TNFRSF10C: variants seen among roughly 807,000 people sequenced by gnomAD.
TNFRSF10C encodes the protein TNF receptor superfamily member 10c.
TNFRSF10C carries 17 observed loss-of-function variants against 16.7 expected under a neutral mutation model. That is an observed-to-expected ratio of 1.02 (90% CI 0.70 to 1.53). The LOEUF is 1.53. TNFRSF10C is among the 40% of genes most tolerant of loss of function. The probability of loss-of-function intolerance (pLI) is 0.00; values close to 1 mark genes in which losing one functional copy is unlikely to be tolerated. For synonymous variants in TNFRSF10C, 73 were observed against 119.7 expected (o/e 0.61, Z 2.55); for missense variants, 237 against 329.7 (o/e 0.72, Z 2.18).
rs1563346549 is a variant in TNFRSF10C, at chr8:23,117,130, T to C, written c.*99T>C. On this transcript the variant is annotated 3_prime_UTR_variant, in exon 5 of 5. Transcript: ENST00000356864. ...CTGGACACTCTCTGCCCTGCCTCCC[T>C]CTGCTGTGTTCCCACAGACAGAAAC... The C allele has an allele frequency of 3.3e-6, 5 of 1,514,348 alleles. No individual in the cohort carries two copies. The highest frequency in any genetic ancestry group is 8.8e-7 in the Non-Finnish European group (1 of 1,130,962). The allele number at this position is 1,514,348 out of a possible 1,614,324, so 93.8% of individuals were successfully genotyped here. A position where few individuals can be genotyped will look rare whatever the true frequency, so the allele number is the denominator to read the frequency against.
rs2128832216 is a variant in TNFRSF10C at position 23,117,219 on chromosome 8, C to T, written c.*188C>T. The T allele has an allele frequency of 1.1e-6, 1 of 884,088 alleles. No individual in the cohort carries two copies. The highest frequency in any genetic ancestry group is 1.7e-6 in the Non-Finnish European group (1 of 591,864). 54.8% of individuals were successfully genotyped at this position (884,088 alleles called of 1,614,324 possible). ...CTCTATCTTCCTCCTTGTGATCGTC[C>T]CATCCCCACATCCCGTGCACCCCCC... On this transcript the variant is annotated 3_prime_UTR_variant, in exon 5 of 5. Coordinates refer to ENST00000356864, the MANE Select transcript of TNFRSF10C (RefSeq NM_003841.5).
rs73671012 is a variant in TNFRSF10C, at chr8:23,111,993, C to A, written c.166+168C>A. Reference sequence around the variant, plus strand: ...ATTCGTGGTAAGAACACTTAAAAATCTGCTCAGCAATTTTCAGCTGTATGG... The same window carrying A: ...ATTCGTGGTAAGAACACTTAAAAATATGCTCAGCAATTTTCAGCTGTATGG... On this transcript the variant is annotated intron_variant, in intron 2 of 4. Transcript: ENST00000356864. 4.0e-3 allele frequency among the ~76,000 whole-genome samples: 612 copies of A among 152,278 alleles called. 4 individuals carry two copies. Among genetic ancestry groups the A allele is most frequent in the African/African-American group, 0.014 (583 of 41,540 alleles).
intron 1 of TNFRSF10C, among the ~76,000 whole-genome samples, chr8:23,105,571 G>T (rs965893634): frequency 6.6e-6 from 1 of 152,242 alleles, no homozygotes; most frequent in Non-Finnish European, 1.5e-5. Flanking sequence ...TGTCCTTCTG[G>T]TAGGCGCCTG....
intron 4 of TNFRSF10C, among the ~76,000 whole-genome samples, 189 bp downstream of exon 4, chr8:23,115,805 G>A (rs1307801953): frequency 1.1e-4 from 16 of 149,922 alleles, no homozygotes; most frequent in Admixed American, 1.1e-3. Flanking sequence ...CCTACCCCCT[G>A]CAGCAGCCCC....
intron 1 of TNFRSF10C, among the ~76,000 whole-genome samples, chr8:23,110,595 T>C (rs907164409): frequency 1.3e-5 from 2 of 152,232 alleles, no homozygotes; most frequent in Admixed American, 1.3e-4. Context: ...AGTTGTCTTC[T>C]AGTTGTCATT....
At chr8:23,107,520 T>TA (rs1342053501) in intron 1 of TNFRSF10C, among the ~76,000 whole-genome samples, 2 of 152,204 alleles carry the variant, frequency 1.3e-5, no homozygotes, top group East Asian at 3.8e-4. Context: ...AATCCATTTT[T>TA]AAAAAACCTT....
chr8:23,111,935 C>A, intron 2 of TNFRSF10C, 110 bp downstream of exon 2: 1 of 1,074,778 alleles, frequency 9.3e-7, no homozygotes, highest in Non-Finnish European at 1.4e-6. Flanking sequence ...TGTGGAATGG[C>A]TAAATCAAGC....
chr8:23,114,544 G>C (rs991149821), intron 2 of TNFRSF10C, 113 bp from the exon 3 acceptor site: 16 of 793,070 alleles, frequency 2.0e-5, no homozygotes, highest in Non-Finnish European at 3.2e-5. Context: ...GCCTGGAAGA[G>C]TGGATTTCTC....
rs374621465 is a variant in TNFRSF10C at position 23,110,010 on chromosome 8, C to T, written c.61-1710C>T. On this transcript the variant is annotated intron_variant, in intron 1 of 4. Coordinates refer to ENST00000356864, the MANE Select transcript of TNFRSF10C (RefSeq NM_003841.5). ...AGAGGAGGCAAAGGTTGTAGTGAAC[C>T]GAGATTACACCACTGCACTCTGCGC... 8.0e-5 allele frequency among the ~76,000 whole-genome samples: 10 copies of T among 124,788 alleles called. No individual in the cohort carries two copies. In the East Asian group the frequency reaches 1.3e-3, roughly 16 times the overall value. 81.9% of individuals were successfully genotyped at this position (124,788 alleles called of 152,430 possible). A position where few individuals can be genotyped will look rare whatever the true frequency, so the allele number is the denominator to read the frequency against.
At chr8:23,114,455 A>G (rs1485942810) in intron 2 of TNFRSF10C, 4 of 444,582 alleles carry the variant, frequency 9.0e-6, no homozygotes, top group Admixed American at 3.8e-5. Flanking sequence ...TTTGCATAGA[A>G]TTTGAATTTT....
Position 23,102,996 on chromosome 8 carries a change from C to T in TNFRSF10C, c.-126C>T. On this transcript the variant is annotated 5_prime_UTR_variant, in exon 1 of 5. Coordinates refer to ENST00000356864, the MANE Select transcript of TNFRSF10C (RefSeq NM_003841.5). ...TTCTGATAGATTTTTGGGAGTTTGA[C>T]CAGAGATGCAAGGGGTGAAGGAGCG... The T allele has an allele frequency of 6.5e-7, 1 of 1,538,594 alleles. No homozygotes were observed. The highest frequency in any genetic ancestry group is 8.8e-7 in the Non-Finnish European group (1 of 1,138,346).
At chr8:23,115,127 C>T (rs973543042) in intron 3 of TNFRSF10C, among the ~76,000 whole-genome samples, 8 of 151,968 alleles carry the variant, frequency 5.3e-5, no homozygotes, top group Non-Finnish European at 8.8e-5. Context: ...CCTCACTCAG[C>T]CTTCAGGTTC....
rs768688303 is a variant in TNFRSF10C, at chr8:23,115,630, C to T, written c.389+14C>T. 2 of 1,607,192 alleles carry T rather than the reference C, an allele frequency of 1.2e-6. No individual in the cohort carries two copies. The highest frequency in any genetic ancestry group is 2.2e-5 in the East Asian group (1 of 44,802). On this transcript the variant is annotated intron_variant, in intron 4 of 4. Coordinates refer to ENST00000356864, the MANE Select transcript of TNFRSF10C (RefSeq NM_003841.5). Reference sequence around the variant, plus strand: ...GAAGTGTAGCAGGTGAGACAGCAGTCAGGGGCTCCTGACAGCTTTCAGGAA... The same window carrying T: ...GAAGTGTAGCAGGTGAGACAGCAGTTAGGGGCTCCTGACAGCTTTCAGGAA...
rs948354914 is a variant in TNFRSF10C at position 23,102,930 on chromosome 8, G to T, written c.-192G>T. The T allele has an allele frequency of 4.7e-6, 7 of 1,476,560 alleles. No homozygotes were observed. The highest frequency in any genetic ancestry group is 6.3e-6 in the Non-Finnish European group (7 of 1,108,546). The allele number at this position is 1,476,560 out of a possible 1,614,324, so 91.5% of individuals were successfully genotyped here. ...GCTGCGCTCCGATTCTGGCAGTGCA[G>T]CTGTGGGAACCTCTCCACGCGCACG... On this transcript the variant is annotated 5_prime_UTR_variant, in exon 1 of 5. Transcript: ENST00000356864.
At chr8:23,112,516 C>T (rs1813897903) in intron 2 of TNFRSF10C, among the ~76,000 whole-genome samples, 1 of 152,202 alleles carries the variant, frequency 6.6e-6, no homozygotes, top group East Asian at 1.9e-4. Context: ...TTCTGCTCTC[C>T]ACCTCTATGA....
In TNFRSF10C at chr8:23,103,062, C is replaced by A. The variant is rs563836455; in HGVS notation, c.-60C>A. 6.3e-7 allele frequency: 1 copy of A among 1,585,314 alleles called. No homozygotes were observed. The highest frequency in any genetic ancestry group is 1.3e-5 in the African/African-American group (1 of 74,622). ...GAACTCTGGGGACAGAGCGCCCCGGCCGCCTGATGGCCGAGGCAGGGTGCG... is the reference window on the plus strand; with the variant it reads ...GAACTCTGGGGACAGAGCGCCCCGGACGCCTGATGGCCGAGGCAGGGTGCG... On this transcript the variant is annotated 5_prime_UTR_variant, in exon 1 of 5. Transcript: ENST00000356864.
At chr8:23,105,695 G>C (rs1046099222) in intron 1 of TNFRSF10C, among the ~76,000 whole-genome samples, 1 of 152,174 alleles carries the variant, frequency 6.6e-6, no homozygotes, top group African/African-American at 2.4e-5. Context: ...GTCCTCTGTC[G>C]TGTATCCAGG....
At position 23,116,640 on chromosome 8, in the gene TNFRSF10C, G is replaced by C. The variant is rs1053373133; in HGVS notation, c.390-1G>C. ...TCACCTCCCTCTCTGTGTGTACCCA[G>C]GTGCCCTAGTGGGGAAGTCCAAGTC... On this transcript the variant is annotated splice_acceptor_variant, in intron 4 of 4. Coordinates refer to ENST00000356864, the MANE Select transcript of TNFRSF10C (RefSeq NM_003841.5). LOFTEE classifies it high-confidence loss of function. The C allele has an allele frequency of 1.2e-6, 2 of 1,612,606 alleles. No homozygotes were observed. Among genetic ancestry groups the C allele is most frequent in the African/African-American group, 1.3e-5 (1 of 74,926 alleles).
intron 1 of TNFRSF10C, among the ~76,000 whole-genome samples, chr8:23,110,458 A>G (rs943793207): frequency 2.0e-5 from 3 of 152,254 alleles, no homozygotes; most frequent in Admixed American, 6.5e-5. Flanking sequence ...CAATAAAAAC[A>G]TTTGAAAAAA....
Sources: allele counts gnomAD v4.1 joint callset (sites outside exome capture counted in the v4.1 genomes callset), GRCh38; gene constraint gnomAD v4.1.1; transcripts MANE v1.5; gene names NCBI Gene and HGNC (gene_info 2026-07-23, HGNC 2026-07-21).